GALNTL6: variants seen among roughly 807,000 people sequenced by gnomAD.
GALNTL6 encodes polypeptide N-acetylgalactosaminyltransferase like 6.
A neutral mutation model predicts 73.7 loss-of-function variants in GALNTL6; 46 were observed. The observed-to-expected ratio is 0.62, with a 90% CI of 0.49 to 0.80. GALNTL6 has a LOEUF of 0.80. GALNTL6 is among the 30% of genes least tolerant of loss of function. The pLI, the probability that GALNTL6 is intolerant of heterozygous loss-of-function variation, is 0.00. For missense variants in GALNTL6, 604 were observed against 755.0 expected, an observed-to-expected ratio of 0.80 and a Z score of 2.34; for synonymous variants, 259 against 263.7, an observed-to-expected ratio of 0.98 and a Z score of 0.17.
chr4:171,959,051 TAGG>T (rs1739138680), intron 2 of GALNTL6, among the ~76,000 whole-genome samples: 1 of 152,170 alleles, frequency 6.6e-6, no homozygotes, highest in South Asian at 2.1e-4. Flanking sequence ...ATGCAATAAT[TAGG>T]CTGAACCTAG....
intron 5 of GALNTL6, among the ~76,000 whole-genome samples, chr4:172,443,284 G>A (rs1185284857): frequency 1.3e-5 from 2 of 149,664 alleles, no homozygotes; most frequent in Non-Finnish European, 3.0e-5. Context: ...TTCTGCCTCA[G>A]CCTCCCAAGT....
chr4:172,119,138 T>C (rs1733076657), intron 2 of GALNTL6, among the ~76,000 whole-genome samples: 1 of 152,220 alleles, frequency 6.6e-6, no homozygotes, highest in South Asian at 2.1e-4. Context: ...TTGATAATGC[T>C]AGAGAAAATG....
chr4:172,571,886 A>G (rs557272247), intron 5 of GALNTL6, among the ~76,000 whole-genome samples: 59 of 152,274 alleles, frequency 3.9e-4, no homozygotes, highest in Non-Finnish European at 1.0e-4. Context: ...AAATGGTTGC[A>G]ACTCCTGGTT....
intron 8 of GALNTL6, among the ~76,000 whole-genome samples, chr4:172,926,758 A>C (rs983868852): frequency 6.6e-6 from 1 of 152,208 alleles, no homozygotes. Context: ...ACACTGGACT[A>C]TCCAGCATTC....
chr4:172,538,379 G>C (rs1409926884), intron 5 of GALNTL6, among the ~76,000 whole-genome samples: 1 of 152,118 alleles, frequency 6.6e-6, no homozygotes, highest in East Asian at 1.9e-4. Flanking sequence ...AGAATGGCGT[G>C]AACCCAGGAA....
At chr4:171,828,234 C>T (rs571213774) in intron 2 of GALNTL6, among the ~76,000 whole-genome samples, 33 of 152,278 alleles carry the variant, frequency 2.2e-4, no homozygotes, top group African/African-American at 7.0e-4. Flanking sequence ...TCAAGTATCA[C>T]GAGCATCTGC....
At chr4:171,923,828 T>TGTGTGTGTGTGTG (rs1737882530) in intron 2 of GALNTL6, among the ~76,000 whole-genome samples, 7 of 60,828 alleles carry the variant, frequency 1.2e-4, no homozygotes, top group East Asian at 1.3e-3. Flanking sequence ...GTGTGTGTGT[T>TGTGTGTGTGTGTG]TGAAGTTCTT....
chr4:172,550,834 T>C (rs903491077), intron 5 of GALNTL6, among the ~76,000 whole-genome samples: 1 of 152,230 alleles, frequency 6.6e-6, no homozygotes, highest in African/African-American at 2.4e-5. Flanking sequence ...GAATTGTTCA[T>C]GTTTTTTCAA....
At chr4:172,566,745 A>T (rs532980125) in intron 5 of GALNTL6, among the ~76,000 whole-genome samples, 6 of 151,908 alleles carry the variant, frequency 3.9e-5, no homozygotes, top group Non-Finnish European at 8.8e-5. Context: ...GAACTAAAAA[A>T]ATTTTTTAAG....
At chr4:172,484,695 C>T (rs1259197876) in intron 5 of GALNTL6, among the ~76,000 whole-genome samples, 3 of 152,164 alleles carry the variant, frequency 2.0e-5, no homozygotes, top group Non-Finnish European at 4.4e-5. Flanking sequence ...CTAGTAGAGA[C>T]TTCTCTAAAG....
intron 2 of GALNTL6, among the ~76,000 whole-genome samples, chr4:172,199,198 T>C (rs1735876957): frequency 1.3e-5 from 2 of 152,218 alleles, no homozygotes; most frequent in Admixed American, 6.5e-5. Flanking sequence ...ATCTATTTTC[T>C]TCTTGTCACT....
chr4:172,400,706 G>A (rs1296575929), intron 5 of GALNTL6, among the ~76,000 whole-genome samples: 3 of 152,042 alleles, frequency 2.0e-5, no homozygotes, highest in Non-Finnish European at 4.4e-5. Flanking sequence ...AAGGGCAGGA[G>A]TAAGTTGATG....
At chr4:172,212,923 G>A (rs1445769548) in intron 2 of GALNTL6, among the ~76,000 whole-genome samples, 1 of 151,372 alleles carries the variant, frequency 6.6e-6, no homozygotes, top group African/African-American at 2.4e-5. Flanking sequence ...CGCCTACCTT[G>A]GCCTCCCAAA....
chr4:171,899,278 T>C (rs1464885112), intron 2 of GALNTL6, among the ~76,000 whole-genome samples: 1 of 152,150 alleles, frequency 6.6e-6, no homozygotes, highest in African/African-American at 2.4e-5. Flanking sequence ...TAATGACTAG[T>C]AGCGTTTAAA....
chr4:172,503,530 A>ATATATATATATATATATATATC (rs1734338495), intron 5 of GALNTL6, among the ~76,000 whole-genome samples: 1 of 86,434 alleles, frequency 1.2e-5, no homozygotes, highest in Non-Finnish European at 2.9e-5. Flanking sequence ...AGAGTAGTAT[A>ATATATATATATATATATATATC]TATATATATA....
chr4:172,169,445 T>C (rs1354100972), intron 2 of GALNTL6, among the ~76,000 whole-genome samples: 1 of 152,222 alleles, frequency 6.6e-6, no homozygotes, highest in East Asian at 1.9e-4. Flanking sequence ...TAAAAATAAA[T>C]GTCATAGTGA....
intron 5 of GALNTL6, among the ~76,000 whole-genome samples, chr4:172,663,220 A>G (rs976265660): frequency 4.6e-5 from 7 of 152,198 alleles, no homozygotes; most frequent in African/African-American, 1.7e-4. Context: ...GAACTATAAT[A>G]GTATCACTCT....
At chr4:172,031,478 A>C (rs1201531288) in intron 2 of GALNTL6, among the ~76,000 whole-genome samples, 5 of 152,152 alleles carry the variant, frequency 3.3e-5, no homozygotes, top group Admixed American at 3.3e-4. Flanking sequence ...TGTGATTTTA[A>C]GAATGTGCTG....
chr4:172,881,864 C>T (rs1235423097), intron 7 of GALNTL6, among the ~76,000 whole-genome samples: 1 of 152,116 alleles, frequency 6.6e-6, no homozygotes, highest in African/African-American at 2.4e-5. Flanking sequence ...CTAGCGCAGC[C>T]TCACCACGCT....
Sources: allele counts gnomAD v4.1 joint callset (sites outside exome capture counted in the v4.1 genomes callset), GRCh38; gene constraint gnomAD v4.1.1; transcripts MANE v1.5; gene names NCBI Gene and HGNC (gene_info 2026-07-23, HGNC 2026-07-21).